EIF2AK4: variants seen among roughly 807,000 people sequenced by gnomAD.
The protein encoded by EIF2AK4 is eukaryotic translation initiation factor 2 alpha kinase 4.
Under a neutral mutation model 211.1 loss-of-function variants are expected in EIF2AK4, and 139 were observed. The observed-to-expected ratio is 0.66, with a 90% CI of 0.57 to 0.76. The LOEUF (loss-of-function observed/expected upper bound fraction) is 0.76. EIF2AK4 is among the 30% of genes least tolerant of loss of function. The pLI is 0.00. For missense variants in EIF2AK4, 1,664 were observed against 2,043.8 expected, an observed-to-expected ratio of 0.81 and a Z score of 3.58; for synonymous variants, 710 against 751.3, an observed-to-expected ratio of 0.94 and a Z score of 0.90.
chr15:39,952,545 G>A (rs1284281087), intron 4 of EIF2AK4, among the ~76,000 whole-genome samples: 4 of 151,968 alleles, frequency 2.6e-5, no homozygotes, highest in Non-Finnish European at 5.9e-5. Flanking sequence ...CAAAGTGTTA[G>A]GATTACAGGC....
At chr15:40,002,864 C>T (rs983943995) in intron 22 of EIF2AK4, 76 bp downstream of exon 22, 21 of 1,476,588 alleles carry the variant, frequency 1.4e-5, no homozygotes, top group South Asian at 5.9e-5. Context: ...TGTTAGTGTT[C>T]GGGCATATCA....
chr15:40,026,960 AG>A (rs1338644729), intron 33 of EIF2AK4, among the ~76,000 whole-genome samples: 3 of 152,228 alleles, frequency 2.0e-5, no homozygotes, highest in African/African-American at 7.2e-5. Flanking sequence ...TTTTGGTCTT[AG>A]AACCCCTTTA....
At chr15:39,963,330 AT>A (rs1294488979) in intron 7 of EIF2AK4, among the ~76,000 whole-genome samples, 1 of 152,206 alleles carries the variant, frequency 6.6e-6, no homozygotes, top group Non-Finnish European at 1.5e-5. Context: ...AAGAAGGCAA[AT>A]TAATTCAATT....
intron 23 of EIF2AK4, among the ~76,000 whole-genome samples, chr15:40,004,360 A>T (rs2140935884): frequency 6.6e-6 from 1 of 152,264 alleles, no homozygotes; most frequent in Admixed American, 6.5e-5. Context: ...CTGTCTGTTT[A>T]TCAGTAGGAA....
intron 1 of EIF2AK4, among the ~76,000 whole-genome samples, chr15:39,936,137 T>C (rs1442708935): frequency 6.6e-6 from 1 of 152,160 alleles, no homozygotes; most frequent in Non-Finnish European, 1.5e-5. Context: ...TTCTTTTAGG[T>C]AGGGATATTG....
rs529142594 is a variant in EIF2AK4 at position 39,993,561 on chromosome 15, T to A, written c.2766+713T>A. Among the ~76,000 whole-genome samples the A allele has an allele frequency of 1.5e-4, 23 of 152,022 alleles. No homozygotes were observed. The South Asian group carries it at 4.8e-3, about 32-fold the overall frequency. ...TAAGGAGCAGAGGAAACTGCACACA[T>A]AAAGAGAAAGCCCTGAGTGAGAGAG... On this transcript the variant is annotated intron_variant, in intron 18 of 38. Coordinates refer to ENST00000263791, the MANE Select transcript of EIF2AK4 (RefSeq NM_001013703.4).
chr15:40,002,800 C>A lies in EIF2AK4; in HGVS notation c.3235+12C>A, dbSNP rs1183264719. 1 of 1,613,528 alleles carries A rather than the reference C, an allele frequency of 6.2e-7. No individual in the cohort carries two copies. On this transcript the variant is annotated intron_variant, in intron 22 of 38. Transcript: ENST00000263791. The stretch of plus-strand genomic sequence containing the variant: ...CTTTAAAAGACATGGTATGTACGCC[C>A]TTTTTAAAAATGATATTTCTTCTCA...
At chr15:39,948,808 A>G (rs1161774406) in intron 3 of EIF2AK4, among the ~76,000 whole-genome samples, 3 of 152,350 alleles carry the variant, frequency 2.0e-5, no homozygotes, top group Non-Finnish European at 4.4e-5. Context: ...CTAAAGAAAT[A>G]TATTTTATTG....
chr15:40,030,113 GC>G (rs900377839), intron 34 of EIF2AK4, among the ~76,000 whole-genome samples: 2 of 152,036 alleles, frequency 1.3e-5, no homozygotes, highest in Admixed American at 1.3e-4. Context: ...TTGCCTCCCT[GC>G]CCCTTCCACC....
chr15:39,934,201 T>C lies in EIF2AK4; in HGVS notation c.6T>C (p.Ala2=). 1 of 1,563,638 alleles carries C rather than the reference T, an allele frequency of 6.4e-7. No homozygotes were observed. Among genetic ancestry groups the C allele is most frequent in the Non-Finnish European group, 8.7e-7 (1 of 1,155,976 alleles). ...GCCTTGGGCGCAGCGCTGCCATGGCTGGGGGCCGTGGGGCCCCCGGGCGCG... is the reference window on the plus strand; with the variant it reads ...GCCTTGGGCGCAGCGCTGCCATGGCCGGGGGCCGTGGGGCCCCCGGGCGCG... M[A]GGRGAPGRGR... The change falls in exon 1 of 39, where the codon GCT becomes GCC. Residue 2 remains alanine (A), a synonymous_variant. Coordinates refer to ENST00000263791, the MANE Select transcript of EIF2AK4 (RefSeq NM_001013703.4).
At chr15:40,007,959 C>A in intron 24 of EIF2AK4, 68 bp from the exon 25 acceptor site, 1 of 1,234,036 alleles carries the variant, frequency 8.1e-7, no homozygotes, top group Middle Eastern at 2.0e-4. Flanking sequence ...ATATCTTGTT[C>A]AACAATTTCT....
At chr15:39,961,709 A>C in intron 6 of EIF2AK4, 75 bp from the exon 7 acceptor site, 5 of 1,194,100 alleles carry the variant, frequency 4.2e-6, no homozygotes, top group Non-Finnish European at 6.0e-6. Context: ...GTTAATCTAT[A>C]ACATTCCTAT....
chr15:39,938,163 T>C (rs2034094415), intron 1 of EIF2AK4, among the ~76,000 whole-genome samples: 1 of 152,114 alleles, frequency 6.6e-6, no homozygotes, highest in Non-Finnish European at 1.5e-5. Flanking sequence ...AGACTGAAGT[T>C]CCATGAGAGC....
At chr15:39,960,163 CAAAA>C (rs926246870) in intron 6 of EIF2AK4, among the ~76,000 whole-genome samples, 2 of 46,444 alleles carry the variant, frequency 4.3e-5, no homozygotes, top group South Asian at 6.6e-4. Flanking sequence ...GACTCCATCT[CAAAA>C]AAAAAAAAAA....
Position 40,035,205 on chromosome 15 carries a change from C to T in EIF2AK4, c.*121C>T, listed in dbSNP as rs926325122. Reference sequence around the variant, plus strand: ...TAAGAAGAGGCTGGGTGCAGTGGCTCACACCTTTAATCCCAGCACTTTGGG... The same window carrying T: ...TAAGAAGAGGCTGGGTGCAGTGGCTTACACCTTTAATCCCAGCACTTTGGG... On this transcript the variant is annotated 3_prime_UTR_variant, in exon 39 of 39. Coordinates refer to ENST00000263791, the MANE Select transcript of EIF2AK4 (RefSeq NM_001013703.4). The T allele has an allele frequency of 5.4e-6, 4 of 741,676 alleles. No homozygotes were observed. Among genetic ancestry groups the T allele is most frequent in the African/African-American group, 1.8e-5 (1 of 55,282 alleles). The allele number at this position is 741,676 out of a possible 1,614,324, so 45.9% of individuals were successfully genotyped here. A position where few individuals can be genotyped will look rare whatever the true frequency, so the allele number is the denominator to read the frequency against.
chr15:39,999,649 T>G (rs1320193403), intron 20 of EIF2AK4, among the ~76,000 whole-genome samples: 3 of 151,816 alleles, frequency 2.0e-5, no homozygotes, highest in African/African-American at 4.8e-5. Flanking sequence ...GCACTAACAT[T>G]GTGTCATTTG....
At chr15:39,957,958 G>A (rs748482649) in intron 6 of EIF2AK4, among the ~76,000 whole-genome samples, 14 of 152,224 alleles carry the variant, frequency 9.2e-5, no homozygotes, top group Non-Finnish European at 1.9e-4. Flanking sequence ...GAACGTAAAG[G>A]CCTGATACTC....
Position 39,934,369 on chromosome 15 carries a change from G to T in EIF2AK4, c.144+30G>T, listed in dbSNP as rs781011963. The T allele has an allele frequency of 1.1e-5, 17 of 1,582,974 alleles. No individual in the cohort carries two copies. In the South Asian group the frequency reaches 1.9e-4, roughly 18 times the overall value. On this transcript the variant is annotated intron_variant, in intron 1 of 38. Transcript: ENST00000263791. ...GAACGTGGCTTGTCAGGCCCGGGCTGGCGTGCCCTGGCCTCCCCGGGCCCT... is the reference window on the plus strand; with the variant it reads ...GAACGTGGCTTGTCAGGCCCGGGCTTGCGTGCCCTGGCCTCCCCGGGCCCT...
chr15:39,941,171 T>C (rs1445660283), intron 2 of EIF2AK4, among the ~76,000 whole-genome samples: 1 of 152,162 alleles, frequency 6.6e-6, no homozygotes, highest in Non-Finnish European at 1.5e-5. Flanking sequence ...GGTTTCATTA[T>C]GTAGAGATGA....
Sources: allele counts gnomAD v4.1 joint callset (sites outside exome capture counted in the v4.1 genomes callset), GRCh38; gene constraint gnomAD v4.1.1; transcripts MANE v1.5; gene names NCBI Gene and HGNC (gene_info 2026-07-23, HGNC 2026-07-21).